CYP2C18: variants seen among roughly 807,000 people sequenced by gnomAD.
CYP2C18 encodes the protein cytochrome P450 family 2 subfamily C member 18.
A neutral mutation model predicts 41.3 loss-of-function variants in CYP2C18; 38 were observed. The ratio of observed to expected loss-of-function variants is 0.92; its 90% CI spans 0.71 to 1.21. The LOEUF (loss-of-function observed/expected upper bound fraction) is 1.21. Among genes scored for constraint, CYP2C18 ranks in the 50% most tolerant of loss-of-function variants. The pLI, the probability that CYP2C18 is intolerant of heterozygous loss-of-function variation, is 0.00. For missense variants in CYP2C18, 635 were observed against 591.4 expected (o/e 1.07, Z -0.77); for synonymous variants, 236 against 210.0 (o/e 1.12, Z -1.07).
At chr10:94,684,410 T>A (rs1054840974) in intron 1 of CYP2C18, among the ~76,000 whole-genome samples, 1 of 152,164 alleles carries the variant, frequency 6.6e-6, no homozygotes, top group Non-Finnish European at 1.5e-5. Flanking sequence ...TCTCTGAGTT[T>A]AACTTTTTAA....
intron 1 of CYP2C18, 33 bp downstream of exon 1, chr10:94,684,020 C>A: frequency 6.6e-7 from 1 of 1,504,100 alleles, no homozygotes; most frequent in Admixed American, 1.9e-5. Context: ...CAGTAATGTA[C>A]AAGGTGTATT....
At chr10:94,707,742 T>C (rs1847368063) in intron 5 of CYP2C18, among the ~76,000 whole-genome samples, 1 of 152,186 alleles carries the variant, frequency 6.6e-6, no homozygotes, top group African/African-American at 2.4e-5. Flanking sequence ...AAAATCAAGT[T>C]GTCCATTTTG....
rs192437798 is a variant in CYP2C18 at position 94,712,104 on chromosome 10, T to C, written c.819+5144T>C. ...CTCAAGCGATCCTCCCATCTTGGCC[T>C]CCCAAAGTGCTGGGATTACAGGCAT... On this transcript the variant is annotated intron_variant, in intron 5 of 8. Coordinates refer to ENST00000285979, the MANE Select transcript of CYP2C18 (RefSeq NM_000772.3). Among the ~76,000 whole-genome samples the C allele has an allele frequency of 3.4e-5, 5 of 147,670 alleles. No homozygotes were observed. The East Asian group carries it at 1.0e-3, about 30-fold the overall frequency.
chr10:94,710,168 G>A (rs955985859), intron 5 of CYP2C18, among the ~76,000 whole-genome samples: 2 of 152,092 alleles, frequency 1.3e-5, no homozygotes, highest in Admixed American at 6.6e-5. Context: ...ACAGCCTTTC[G>A]CTATTTTGCA....
intron 5 of CYP2C18, among the ~76,000 whole-genome samples, chr10:94,718,833 G>T (rs1296084597): frequency 2.0e-5 from 3 of 152,132 alleles, no homozygotes; most frequent in Admixed American, 1.3e-4. Context: ...GGTAAGTTAA[G>T]TAGATAGCTG....
At chr10:94,706,646 TG>T in intron 4 of CYP2C18, 137 bp from the exon 5 acceptor site, 1 of 557,174 alleles carries the variant, frequency 1.8e-6, no homozygotes, top group Non-Finnish European at 3.2e-6. Context: ...AGGACTACTT[TG>T]TACGTATAAT....
Position 94,724,424 on chromosome 10 carries a change from AC to A in CYP2C18, c.1041del (p.Tyr347Ter), listed in dbSNP as rs780366353. The part of the protein sequence containing the change: ...PCMQDRSHMP[Y>X]TDAVVHEIQR... ...ATGCAGGACAGGAGTCACATGCCCT[AC>A]ACAGATGCTGTGGTGCACGAGATCC... On this transcript the variant is annotated frameshift_variant, in exon 7 of 9. Transcript: ENST00000285979. LOFTEE classifies it high-confidence loss of function. The A allele has an allele frequency of 1.9e-6, 3 of 1,613,602 alleles. No individual in the cohort carries two copies. Among genetic ancestry groups the A allele is most frequent in the Non-Finnish European group, 2.5e-6 (3 of 1,179,670 alleles).
chr10:94,713,524 T>C (rs1264229282), intron 5 of CYP2C18, among the ~76,000 whole-genome samples: 1 of 152,226 alleles, frequency 6.6e-6, no homozygotes, highest in Non-Finnish European at 1.5e-5. Context: ...TCCTTTTTTA[T>C]GGCTGCATAT....
intron 3 of CYP2C18, among the ~76,000 whole-genome samples, chr10:94,693,772 A>G (rs1399255409): frequency 2.0e-5 from 3 of 152,128 alleles, no homozygotes; most frequent in African/African-American, 7.2e-5. Context: ...TTACCGCACA[A>G]CATTTTTGTT....
chr10:94,728,540 C>T (rs1220581971), intron 7 of CYP2C18: 25 of 500,330 alleles, frequency 5.0e-5, no homozygotes, highest in Non-Finnish European at 6.5e-5. Flanking sequence ...TTTATCCTTC[C>T]TTCTGTGTTT....
chr10:94,692,834 T>A (rs1435020297), intron 3 of CYP2C18, among the ~76,000 whole-genome samples: 1 of 152,140 alleles, frequency 6.6e-6, no homozygotes, highest in Non-Finnish European at 1.5e-5. Flanking sequence ...TGGAATACTA[T>A]GCAGCCATAA....
intron 5 of CYP2C18, among the ~76,000 whole-genome samples, chr10:94,714,838 T>C (rs1316252725): frequency 6.6e-6 from 1 of 152,208 alleles, no homozygotes; most frequent in Non-Finnish European, 1.5e-5. Flanking sequence ...TTTGTTTGTG[T>C]CCTCTTTTAT....
chr10:94,696,210 G>C (rs1315483989), intron 4 of CYP2C18, among the ~76,000 whole-genome samples: 2 of 152,170 alleles, frequency 1.3e-5, no homozygotes, highest in East Asian at 1.9e-4. Context: ...CCCCCCAGTA[G>C]CCTAACTGGG....
rs143651643 is a variant in CYP2C18, at chr10:94,715,804, T to C, written c.820-4592T>C. On this transcript the variant is annotated intron_variant, in intron 5 of 8. Coordinates refer to ENST00000285979, the MANE Select transcript of CYP2C18 (RefSeq NM_000772.3). ...CTGGTAGAATTTGGCTGTGAATCCATCTGGTCCTGGACTTTTTTTTTGTTG... is the reference window on the plus strand; with the variant it reads ...CTGGTAGAATTTGGCTGTGAATCCACCTGGTCCTGGACTTTTTTTTTGTTG... 1.3e-3 allele frequency among the ~76,000 whole-genome samples: 193 copies of C among 149,122 alleles called. 2 individuals are homozygous for C. In the East Asian group the frequency reaches 0.035, roughly 27 times the overall value.
chr10:94,728,630 C>T (rs997965361), intron 7 of CYP2C18: 2 of 975,298 alleles, frequency 2.1e-6, no homozygotes, highest in Non-Finnish European at 2.4e-6. Context: ...CTGTGATCAA[C>T]CCCTCAATAA....
At chr10:94,701,468 G>T (rs1020635396) in intron 4 of CYP2C18, among the ~76,000 whole-genome samples, 4 of 152,092 alleles carry the variant, frequency 2.6e-5, no homozygotes, top group East Asian at 1.9e-4. Flanking sequence ...GGGGCCTGTT[G>T]TGGGGCGGGG....
intron 5 of CYP2C18, among the ~76,000 whole-genome samples, chr10:94,711,446 T>C (rs957706638): frequency 6.6e-6 from 1 of 152,134 alleles, no homozygotes; most frequent in Non-Finnish European, 1.5e-5. Context: ...TCTTACTCTG[T>C]CACCCAGGCT....
At chr10:94,729,098 T>C (rs768171558) in intron 7 of CYP2C18, among the ~76,000 whole-genome samples, 3 of 152,096 alleles carry the variant, frequency 2.0e-5, no homozygotes, top group South Asian at 2.1e-4. Flanking sequence ...CAGACCATCA[T>C]GGATGAGTTA....
intron 3 of CYP2C18, among the ~76,000 whole-genome samples, chr10:94,692,885 G>T (rs1847033646): frequency 6.6e-6 from 1 of 152,040 alleles, no homozygotes; most frequent in African/African-American, 2.4e-5. Flanking sequence ...CATGAATGAA[G>T]CTGGAAACCA....
Sources: gnomAD v4.1 joint callset for allele counts (sites outside exome capture counted in the v4.1 genomes callset) on GRCh38, gnomAD v4.1.1 for gene constraint, MANE v1.5 for transcripts, NCBI Gene and HGNC (gene_info 2026-07-23, HGNC 2026-07-21) for gene names.